EXPH5: variants seen among roughly 807,000 people sequenced by gnomAD.
EXPH5 encodes exophilin-5.
In EXPH5, 42 loss-of-function variants were observed where a neutral mutation model predicts 41.1. The observed-to-expected ratio is 1.02, with a 90% confidence interval of 0.80 to 1.32. The LOEUF is 1.32. Ranked by LOEUF, EXPH5 falls within the 40% of genes most tolerant of loss-of-function variation. The pLI is 0.00. For missense variants in EXPH5, 2,298 were observed against 2,314.5 expected (o/e 0.99, Z 0.15); for synonymous variants, 798 against 833.5 (o/e 0.96, Z 0.73).
chr11:108,526,491 C>T (rs1335581193), intron 4 of EXPH5, among the ~76,000 whole-genome samples: 1 of 152,228 alleles, frequency 6.6e-6, no homozygotes. Context: ...CCGTGGCTCT[C>T]AAACGGCAGA....
intron 4 of EXPH5, among the ~76,000 whole-genome samples, chr11:108,523,629 T>C (rs1012258731): frequency 1.4e-4 from 22 of 152,194 alleles, no homozygotes; most frequent in African/African-American, 3.9e-4. Flanking sequence ...CTCAGCATTT[T>C]GGGAGGCCAA....
At chr11:108,578,445 A>G (rs1452428985) in intron 1 of EXPH5, among the ~76,000 whole-genome samples, 1 of 152,070 alleles carries the variant, frequency 6.6e-6, no homozygotes, top group East Asian at 1.9e-4. Context: ...GCTTTGTAGT[A>G]TATTTTGAAG....
In EXPH5 at chr11:108,511,178, ACTT is replaced by A. The variant is rs754611874; in HGVS notation, c.4326_4328del (p.Arg1442del). 7.7e-5 allele frequency: 124 copies of A among 1,612,988 alleles called. No individual in the cohort carries two copies. Among genetic ancestry groups the A allele is most frequent in the South Asian group, 5.5e-4 (50 of 90,766 alleles). On this transcript the variant is annotated inframe_deletion, in exon 6 of 6. Coordinates refer to ENST00000265843, the MANE Select transcript of EXPH5 (RefSeq NM_015065.3). ...TACCACTCCCTGTACACTCCCAAGA[ACTT>A]CTTCTAGTTTGGGAATTTCCAATAT... is the stretch of plus-strand genomic sequence containing the variant.
chr11:108,570,125 G>A (rs749279455), intron 1 of EXPH5, among the ~76,000 whole-genome samples: 10 of 152,178 alleles, frequency 6.6e-5, no homozygotes, highest in Admixed American at 1.3e-4. Flanking sequence ...CCAGGCCCCT[G>A]GAGGTATGGA....
chr11:108,596,791 T>C (rs1418165864), upstream of EXPH5, among the ~76,000 whole-genome samples: 1 of 152,162 alleles, frequency 6.6e-6, no homozygotes, highest in Non-Finnish European at 1.5e-5. Context: ...TTGAGAAATT[T>C]TTATATTGAG....
upstream of EXPH5, among the ~76,000 whole-genome samples, chr11:108,594,844 T>C (rs901946611): frequency 6.6e-6 from 1 of 152,276 alleles, no homozygotes; most frequent in African/African-American, 2.4e-5. Context: ...TGTTTTGTTC[T>C]CTGGGCTACC....
chr11:108,596,398 AG>A (rs1446331105), upstream of EXPH5, among the ~76,000 whole-genome samples: 1 of 152,188 alleles, frequency 6.6e-6, no homozygotes. Flanking sequence ...CTCATTAAAA[AG>A]GAGGATTAAG....
At position 108,539,055 on chromosome 11, in the gene EXPH5, TCTC is replaced by T. The variant is rs1460012119; in HGVS notation, c.409_411del (p.Glu137del). 1 of 1,603,910 alleles carries T rather than the reference TCTC, an allele frequency of 6.2e-7. No individual in the cohort carries two copies. The highest frequency in any genetic ancestry group is 8.5e-7 in the Non-Finnish European group (1 of 1,174,256). Reference sequence around the variant, plus strand: ...TGTCCCAGTGATGGAAGCTTTGAAGTCTCCTTTCCAGATTTCCTGAATGAGAAC... The same window carrying T: ...TGTCCCAGTGATGGAAGCTTTGAAGTCTTTCCAGATTTCCTGAATGAGAAC... On this transcript the variant is annotated inframe_deletion, in exon 3 of 6. Coordinates refer to ENST00000265843, the MANE Select transcript of EXPH5 (RefSeq NM_015065.3).
In EXPH5 at chr11:108,514,636, T is replaced by C; in HGVS notation, c.871A>G (p.Thr291Ala). The change falls in exon 6 of 6, where the codon ACA becomes GCA. Residue 291 changes from threonine (T) to alanine (A), a missense_variant. Thr to Ala is a moderately conservative substitution (Grantham distance 58). Transcript: ENST00000265843. The stretch of plus-strand genomic sequence containing the variant: ...CTATACATATCATAAATTGTGCTTG[T>C]CCTAGGAGAAAAGGTTTTAAAACCT... ...REGFKTFSPR[T>A]STIYDMYRTR... The C allele has an allele frequency of 6.2e-7, 1 of 1,607,686 alleles. No individual in the cohort carries two copies. The highest frequency in any genetic ancestry group is 8.5e-7 in the Non-Finnish European group (1 of 1,177,860).
intron 1 of EXPH5, among the ~76,000 whole-genome samples, chr11:108,566,157 A>G (rs2094033670): frequency 6.6e-6 from 1 of 152,248 alleles, no homozygotes; most frequent in South Asian, 2.1e-4. Flanking sequence ...AGCATTATGA[A>G]GAAGGATAAG....
intron 5 of EXPH5, among the ~76,000 whole-genome samples, chr11:108,516,323 C>T (rs2093726798): frequency 6.6e-6 from 1 of 152,076 alleles, no homozygotes; most frequent in Non-Finnish European, 1.5e-5. Flanking sequence ...CTCTCTAGGA[C>T]CACAGCCTCT....
chr11:108,568,968 C>T lies in EXPH5; in HGVS notation c.119+24450G>A, dbSNP rs59299671. On this transcript the variant is annotated intron_variant, in intron 1 of 5. Coordinates refer to ENST00000265843, the MANE Select transcript of EXPH5 (RefSeq NM_015065.3). The stretch of plus-strand genomic sequence containing the variant: ...CTAAACATTTCAGTGGCTCCTCCTC[C>T]CCTCCAGTTTTGTCAAGCTCAGGGG... 4.3e-3 allele frequency among the ~76,000 whole-genome samples: 647 copies of T among 152,226 alleles called. 4 individuals carry two copies. Among genetic ancestry groups the T allele is most frequent in the African/African-American group, 0.014 (593 of 41,540 alleles).
intron 1 of EXPH5, among the ~76,000 whole-genome samples, chr11:108,571,243 G>A (rs73550537): frequency 6.6e-6 from 1 of 152,164 alleles, no homozygotes; most frequent in Admixed American, 6.5e-5. Flanking sequence ...TTACACAACC[G>A]TGGATAGACA....
At chr11:108,587,501 A>C (rs1326458047) in intron 1 of EXPH5, among the ~76,000 whole-genome samples, 1 of 152,208 alleles carries the variant, frequency 6.6e-6, no homozygotes, top group Non-Finnish European at 1.5e-5. Context: ...ATAATCCTTG[A>C]CCACAAGGAA....
chr11:108,603,864 G>T, the EXPH5 span, among the ~76,000 whole-genome samples: 5 of 152,184 alleles, frequency 3.3e-5, no homozygotes, highest in African/African-American at 9.7e-5. Context: ...CTTCCTTATG[G>T]ATTGACCTGG....
chr11:108,607,260 A>G, the EXPH5 span, among the ~76,000 whole-genome samples: 2 of 152,244 alleles, frequency 1.3e-5, no homozygotes, highest in Non-Finnish European at 1.5e-5. Flanking sequence ...AGTACACAAT[A>G]TTAACATCAA....
Position 108,512,639 on chromosome 11 carries a change from C to A in EXPH5, c.2868G>T (p.Val956=). The stretch of plus-strand genomic sequence containing the variant: ...AGTGTGAATGGCATTTGACATCAAC[C>A]ACTTCATCATGTGTAGGCACAGGAC... The part of the protein sequence containing the change: ...NDSPVPTHDE[V]VDVKCHSHSP... The change falls in exon 6 of 6, where the codon GTG becomes GTT. Residue 956 remains valine (V), a synonymous_variant. Coordinates refer to ENST00000265843, the MANE Select transcript of EXPH5 (RefSeq NM_015065.3). The A allele has an allele frequency of 6.2e-7, 1 of 1,613,936 alleles. No homozygotes were observed. Among genetic ancestry groups the A allele is most frequent in the South Asian group, 1.1e-5 (1 of 91,006 alleles).
At chr11:108,595,015 G>A (rs971577350), upstream of EXPH5, among the ~76,000 whole-genome samples, 1 of 152,226 alleles carries the variant, frequency 6.6e-6, no homozygotes, top group Non-Finnish European at 1.5e-5. Context: ...TAATGATCCT[G>A]TTTTGGGAGT....
chr11:108,572,782 C>T (rs1187609200), intron 1 of EXPH5, among the ~76,000 whole-genome samples: 3 of 152,120 alleles, frequency 2.0e-5, no homozygotes, highest in Non-Finnish European at 2.9e-5. Flanking sequence ...TGGTCTTGAA[C>T]TCCTGACCTT....
Sources: allele counts gnomAD v4.1 joint callset (sites outside exome capture counted in the v4.1 genomes callset), GRCh38; gene constraint gnomAD v4.1.1; transcripts MANE v1.5; gene names NCBI Gene and HGNC (gene_info 2026-07-23, HGNC 2026-07-21).